Variants in ARMCX3 observed in about 807,000 individuals in gnomAD.
The protein encoded by ARMCX3 is armadillo repeat containing X-linked 3, also known as armadillo repeat-containing X-linked protein 3.
ARMCX3 carries 3 observed loss-of-function variants against 12.6 expected under a neutral mutation model. That is an observed-to-expected ratio of 0.24 (90% confidence interval 0.11 to 0.61). ARMCX3 has a LOEUF of 0.61. Ranked by LOEUF, ARMCX3 falls within the 20% of genes least tolerant of loss-of-function variation. ARMCX3 has a pLI of 0.88. For missense variants in ARMCX3, 204 were observed against 286.1 expected (o/e 0.71, Z 2.07); for synonymous variants, 102 against 103.1 (o/e 0.99, Z 0.06).
Position 101,625,560 on chromosome X carries a change from C to T in ARMCX3, c.581C>T (p.Ala194Val). ...GTCCTGAATAACTTGAGTGTGAATG[C>T]TGAAAATCAGCGCAGGCTTAAAGTA... ...LIVLNNLSVN[A>V]ENQRRLKVYM... is the part of the protein sequence containing the mutation. The change falls in exon 5 of 5, where the codon GCT becomes GTT. Residue 194 changes from alanine (A) to valine (V), a missense_variant. Coordinates refer to ENST00000471229, the MANE Select transcript of ARMCX3 (RefSeq NM_177947.3). The T allele has an allele frequency of 8.3e-7, 1 of 1,207,102 alleles. No individual in the cohort carries two copies. Among genetic ancestry groups the T allele is most frequent in the Non-Finnish European group, 1.1e-6 (1 of 893,704 alleles).
Position 101,625,273 on chromosome X carries a change from T to C in ARMCX3, c.294T>C (p.Ala98=). The C allele has an allele frequency of 8.3e-7, 1 of 1,209,363 alleles. No homozygotes were observed. ...TRARARARAR[A]TRARRAVQKR... is the part of the protein sequence containing the mutation. ...CTAGGGCCAGGGCAAGGGCCAGGGCTACCCGGGCACGTCGGGCTGTCCAGA... is the reference window on the plus strand; with the variant it reads ...CTAGGGCCAGGGCAAGGGCCAGGGCCACCCGGGCACGTCGGGCTGTCCAGA... The change falls in exon 5 of 5, where the codon GCT becomes GCC. Residue 98 remains alanine, a synonymous_variant. Coordinates refer to ENST00000471229, the MANE Select transcript of ARMCX3 (RefSeq NM_177947.3).
rs1935968097 is a variant in ARMCX3, at chrX:101,625,276, C to T, written c.297C>T (p.Thr99=). 2 of 1,206,831 alleles carry T rather than the reference C, an allele frequency of 1.7e-6. No individual in the cohort carries two copies. The highest frequency in any genetic ancestry group is 3.6e-5 in the South Asian group (2 of 55,928). Reference sequence around the variant, plus strand: ...GGGCCAGGGCAAGGGCCAGGGCTACCCGGGCACGTCGGGCTGTCCAGAAAC... The same window carrying T: ...GGGCCAGGGCAAGGGCCAGGGCTACTCGGGCACGTCGGGCTGTCCAGAAAC... ...RARARARARA[T]RARRAVQKRA... The change falls in exon 5 of 5, where the codon ACC becomes ACT. Residue 99 remains threonine (T), a synonymous_variant. Coordinates refer to ENST00000471229, the MANE Select transcript of ARMCX3 (RefSeq NM_177947.3).
At position 101,626,084 on chromosome X, in the gene ARMCX3, C is replaced by T; in HGVS notation, c.1105C>T (p.Leu369Phe). The T allele has an allele frequency of 3.4e-6, 4 of 1,189,711 alleles. No individual in the cohort carries two copies. Among genetic ancestry groups the T allele is most frequent in the Non-Finnish European group, 4.5e-6 (4 of 887,520 alleles). The change falls in exon 5 of 5, where the codon CTT becomes TTT. Residue 369 changes from leucine (L) to phenylalanine (F), a missense_variant. Coordinates refer to ENST00000471229, the MANE Select transcript of ARMCX3 (RefSeq NM_177947.3). ...KVKVGKFMAKLAEHMFPKSQE is the reference protein window; with the variant it reads ...KVKVGKFMAKFAEHMFPKSQE ...AAAAGTTGGAAAATTCATGGCCAAA[C>T]TTGCTGAACATATGTTCCCAAAGAG...
Position 101,623,907 on chromosome X carries a change from G to A in ARMCX3, c.-279+14G>A, listed in dbSNP as rs1935943301. The stretch of plus-strand genomic sequence containing the variant: ...GTCGATTTGAGGGTAAGACCATCTG[G>A]GGACCCTAGGAGGGACGGGGGTGGC... On this transcript the variant is annotated intron_variant, in intron 2 of 4. Transcript: ENST00000471229. 1 of 106,750 alleles carries A rather than the reference G, an allele frequency of 9.4e-6. No homozygotes were observed. The highest frequency in any genetic ancestry group is 3.5e-5 in the African/African-American group (1 of 28,953). 8.8% of individuals were successfully genotyped at this position (106,750 alleles called of 1,213,427 possible). A position where few individuals can be genotyped will look rare whatever the true frequency, so the allele number is the denominator to read the frequency against.
At chrX:101,623,344 C>T (rs1935932892) in intron 1 of ARMCX3, 68 bp downstream of exon 1, 1 of 113,274 alleles carries the variant, frequency 8.8e-6, no homozygotes, top group South Asian at 3.6e-4. Context: ...GTCGCGGGTA[C>T]TGAGGCGCCT....
In ARMCX3 at chrX:101,626,438, T is replaced by C; in HGVS notation, c.*319T>C. ...CTTCTGTCATTTTCATTGATTTAAT[T>C]TGTGTATCATCAATAAAATTGTATG... On this transcript the variant is annotated 3_prime_UTR_variant, in exon 5 of 5. Coordinates refer to ENST00000471229, the MANE Select transcript of ARMCX3 (RefSeq NM_177947.3). 5.1e-6 allele frequency: 1 copy of C among 197,400 alleles called. No individual in the cohort carries two copies. The highest frequency in any genetic ancestry group is 9.8e-6 in the Non-Finnish European group (1 of 101,733). The allele number at this position is 197,400 out of a possible 1,213,427, so 16.3% of individuals were successfully genotyped here.
intron 1 of ARMCX3, chrX:101,623,558 C>T (rs960122488): frequency 8.9e-6 from 1 of 111,826 alleles, no homozygotes; most frequent in Non-Finnish European, 1.9e-5. Flanking sequence ...AGGACAGTGC[C>T]GGAGGGGAAT....
chrX:101,625,934 G>T lies in ARMCX3; in HGVS notation c.955G>T (p.Glu319Ter). ...FENINDNFKW[E>*]ENEPTQNQFG... ...GAACATAAATGATAATTTCAAATGG[G>T]AAGAAAATGAACCTACTCAGAATCA... Residue 319 changes from glutamate to a stop codon, truncating the protein, a stop_gained, in exon 5 of 5, where the codon GAA (glutamate) becomes TAA (stop). Transcript: ENST00000471229. LOFTEE classifies it high-confidence loss of function. 8.3e-7 allele frequency: 1 copy of T among 1,200,809 alleles called. No homozygotes were observed. The highest frequency in any genetic ancestry group is 1.1e-6 in the Non-Finnish European group (1 of 891,907).
rs782149307 is a variant in ARMCX3, at chrX:101,626,122, C to T, written c.*3C>T. On this transcript the variant is annotated 3_prime_UTR_variant, in exon 5 of 5. Coordinates refer to ENST00000471229, the MANE Select transcript of ARMCX3 (RefSeq NM_177947.3). ...TGTTCCCAAAGAGCCAGGAATAACA[C>T]CTTGATTTTGTAATTTAGAAGCAAC... is the stretch of plus-strand genomic sequence containing the variant. 5 of 1,149,511 alleles carry T rather than the reference C, an allele frequency of 4.3e-6. No individual in the cohort carries two copies. The highest frequency in any genetic ancestry group is 2.1e-5 in the South Asian group (1 of 47,048). 94.7% of individuals were successfully genotyped at this position (1,149,511 alleles called of 1,213,427 possible). A position where few individuals can be genotyped will look rare whatever the true frequency, so the allele number is the denominator to read the frequency against.
chrX:101,623,660 C>T (rs1277269627), intron 1 of ARMCX3, 154 bp from the exon 2 acceptor site: 1 of 111,320 alleles, frequency 9.0e-6, no homozygotes, highest in Non-Finnish European at 1.9e-5. Context: ...CTCTGACAAC[C>T]AGGCCTCCGA....
Position 101,626,214 on chromosome X carries a change from T to A in ARMCX3, c.*95T>A, listed in dbSNP as rs1383529820. 2 of 790,890 alleles carry A rather than the reference T, an allele frequency of 2.5e-6. No homozygotes were observed. The highest frequency in any genetic ancestry group is 3.5e-5 in the Admixed American group (1 of 28,844). The allele number at this position is 790,890 out of a possible 1,213,427, so 65.2% of individuals were successfully genotyped here. On this transcript the variant is annotated 3_prime_UTR_variant, in exon 5 of 5. Coordinates refer to ENST00000471229, the MANE Select transcript of ARMCX3 (RefSeq NM_177947.3). ...GTAAAGGAATCCTTTCAGCTGCCAG[T>A]TTTGAATAATGAATATCATATTGTA...
chrX:101,626,132 G>T lies in ARMCX3; in HGVS notation c.*13G>T. 8.7e-7 allele frequency: 1 copy of T among 1,143,676 alleles called. No individual in the cohort carries two copies. The highest frequency in any genetic ancestry group is 2.1e-5 in the South Asian group (1 of 46,644). 94.3% of individuals were successfully genotyped at this position (1,143,676 alleles called of 1,213,427 possible). A position where few individuals can be genotyped will look rare whatever the true frequency, so the allele number is the denominator to read the frequency against. ...GAGCCAGGAATAACACCTTGATTTT[G>T]TAATTTAGAAGCAACACACATTGTA... is the stretch of plus-strand genomic sequence containing the variant. On this transcript the variant is annotated 3_prime_UTR_variant, in exon 5 of 5. Coordinates refer to ENST00000471229, the MANE Select transcript of ARMCX3 (RefSeq NM_177947.3).
At position 101,626,563 on chromosome X, in the gene ARMCX3, A is replaced by C; in HGVS notation, c.*444A>C. On this transcript the variant is annotated 3_prime_UTR_variant, in exon 5 of 5. Coordinates refer to ENST00000471229, the MANE Select transcript of ARMCX3 (RefSeq NM_177947.3). ...TAAGAAACGTACAAACCAAAAGATA[A>C]CAGAATATCTGAAGCATGTACTCAT... 7.9e-6 allele frequency: 1 copy of C among 127,186 alleles called. No homozygotes were observed. 10.5% of individuals were successfully genotyped at this position (127,186 alleles called of 1,213,427 possible). A position where few individuals can be genotyped will look rare whatever the true frequency, so the allele number is the denominator to read the frequency against.
At position 101,625,863 on chromosome X, in the gene ARMCX3, A is replaced by T; in HGVS notation, c.884A>T (p.Lys295Met). 2.5e-6 allele frequency: 3 copies of T among 1,207,274 alleles called. No individual in the cohort carries two copies. Among genetic ancestry groups the T allele is most frequent in the Non-Finnish European group, 3.4e-6 (3 of 892,951 alleles). The change falls in exon 5 of 5, where the codon AAG becomes ATG. Residue 295 changes from lysine to methionine, a missense_variant. Coordinates refer to ENST00000471229, the MANE Select transcript of ARMCX3 (RefSeq NM_177947.3). ...TCTTCACTGGGCTCCCTCTTTAATA[A>T]GAAGGAGAACAAAGAAGTTATTCTT... ...VPSSLGSLFN[K>M]KENKEVILKL... is the part of the protein sequence containing the mutation.
chrX:101,626,932 T>A lies in ARMCX3; in HGVS notation c.*813T>A, dbSNP rs1175699639. ...AAATCTTTTTTTACTAGAAAATAAT[T>A]GGGGTCCATATGAAAGTCTCTATTA... On this transcript the variant is annotated 3_prime_UTR_variant, in exon 5 of 5. Coordinates refer to ENST00000471229, the MANE Select transcript of ARMCX3 (RefSeq NM_177947.3). 3 of 123,419 alleles carry A rather than the reference T, an allele frequency of 2.4e-5. No individual in the cohort carries two copies. Among genetic ancestry groups the A allele is most frequent in the African/African-American group, 9.7e-5 (3 of 30,830 alleles). 10.2% of individuals were successfully genotyped at this position (123,419 alleles called of 1,213,427 possible).
At position 101,624,861 on chromosome X, in the gene ARMCX3, C is replaced by T; in HGVS notation, c.-119C>T. On this transcript the variant is annotated 5_prime_UTR_variant, in exon 5 of 5. Transcript: ENST00000471229. ...CAACCCCCAGAATCAGCTCTTGTGG[C>T]CTTGAAGTGGCTGAAGACGATCACC... is the stretch of plus-strand genomic sequence containing the variant. 2 of 663,736 alleles carry T rather than the reference C, an allele frequency of 3.0e-6. No homozygotes were observed. The highest frequency in any genetic ancestry group is 4.3e-6 in the Non-Finnish European group (2 of 468,939). The allele number at this position is 663,736 out of a possible 1,213,427, so 54.7% of individuals were successfully genotyped here.
Position 101,626,897 on chromosome X carries a change from C to T in ARMCX3, c.*778C>T, listed in dbSNP as rs1556039014. 8.1e-6 allele frequency: 1 copy of T among 123,215 alleles called. No individual in the cohort carries two copies. Among genetic ancestry groups the T allele is most frequent in the African/African-American group, 3.3e-5 (1 of 30,749 alleles). The allele number at this position is 123,215 out of a possible 1,213,427, so 10.2% of individuals were successfully genotyped here. ...TTTGAATATTATCCCATTGAATACC[C>T]AGAGCCACTAAATCTTTTTTTACTA... On this transcript the variant is annotated 3_prime_UTR_variant, in exon 5 of 5. Coordinates refer to ENST00000471229, the MANE Select transcript of ARMCX3 (RefSeq NM_177947.3).
Position 101,625,269 on chromosome X carries a change from G to A in ARMCX3, c.290G>A (p.Arg97Lys). 1 of 1,208,828 alleles carries A rather than the reference G, an allele frequency of 8.3e-7. No homozygotes were observed. Among genetic ancestry groups the A allele is most frequent in the Non-Finnish European group, 1.1e-6 (1 of 894,159 alleles). ...AGAGCTAGGGCCAGGGCAAGGGCCAGGGCTACCCGGGCACGTCGGGCTGTC... is the reference window on the plus strand; with the variant it reads ...AGAGCTAGGGCCAGGGCAAGGGCCAAGGCTACCCGGGCACGTCGGGCTGTC... ...GTRARARARARATRARRAVQK... is the reference protein window; with the variant it reads ...GTRARARARAKATRARRAVQK... The change falls in exon 5 of 5, where the codon AGG (arginine) becomes AAG (lysine). Residue 97 changes from arginine (R) to lysine (K), a missense_variant. Arg to Lys is a conservative substitution (Grantham distance 26). Coordinates refer to ENST00000471229, the MANE Select transcript of ARMCX3 (RefSeq NM_177947.3).
In ARMCX3 at chrX:101,625,740, C is replaced by T. The variant is rs782224564; in HGVS notation, c.761C>T (p.Ala254Val). The T allele has an allele frequency of 4.3e-6, 5 of 1,175,468 alleles. No individual in the cohort carries two copies. Among genetic ancestry groups the T allele is most frequent in the Middle Eastern group, 2.4e-4 (1 of 4,174 alleles). ...TCTGACTTTTTTCGTTTATTTTCAG[C>T]GGGAAATGAAGAAACCAAACTTCAG... Reference protein sequence around the residue: ...SISDFFRLFSAGNEETKLQVL... With the variant: ...SISDFFRLFSVGNEETKLQVL... Residue 254 changes from alanine (A) to valine (V), a missense_variant, in exon 5 of 5, where the codon GCG (alanine) becomes GTG (valine). Ala to Val is a moderately conservative substitution (Grantham distance 64). Transcript: ENST00000471229.
Sources: allele counts gnomAD v4.1 joint callset, GRCh38; gene constraint gnomAD v4.1.1; transcripts MANE v1.5; gene names NCBI Gene and HGNC (gene_info 2026-07-23, HGNC 2026-07-21).